The following SLC2A13 variants were observed in gnomAD, a reference collection of about 807,000 sequenced individuals.
SLC2A13 encodes the protein solute carrier family 2 member 13, also known as proton myo-inositol cotransporter.
A neutral mutation model predicts 64.4 loss-of-function variants in SLC2A13; 32 were observed. The observed-to-expected ratio is 0.50, with a 90% CI of 0.37 to 0.67. SLC2A13 has a LOEUF of 0.67. SLC2A13 is among the 30% of genes least tolerant of loss of function. The probability of loss-of-function intolerance (pLI) is 0.00; values close to 1 mark genes in which losing one functional copy is unlikely to be tolerated. For synonymous variants in SLC2A13, 338 were observed against 327.1 expected, an observed-to-expected ratio of 1.03 and a Z score of -0.36; for missense variants, 743 against 829.2, an observed-to-expected ratio of 0.90 and a Z score of 1.28.
intron 6 of SLC2A13, among the ~76,000 whole-genome samples, chr12:39,840,424 T>C (rs1041303209): frequency 1.3e-5 from 2 of 152,046 alleles, no homozygotes; most frequent in Non-Finnish European, 2.9e-5. Context: ...CCATTGCCTA[T>C]AGGATGAAAA....
chr12:39,792,682 A>C (rs1003781568), intron 7 of SLC2A13, among the ~76,000 whole-genome samples: 1 of 152,132 alleles, frequency 6.6e-6, no homozygotes. Flanking sequence ...ACAGATACCA[A>C]AAGTCAGATA....
In SLC2A13 at chr12:40,016,436, A is replaced by T. The variant is rs149078539; in HGVS notation, c.925+11865T>A. Among the ~76,000 whole-genome samples the T allele has an allele frequency of 2.9e-4, 44 of 152,334 alleles. No individual in the cohort carries two copies. In the East Asian group the frequency reaches 8.3e-3, roughly 29 times the overall value. On this transcript the variant is annotated intron_variant, in intron 3 of 9. Coordinates refer to ENST00000280871, the MANE Select transcript of SLC2A13 (RefSeq NM_052885.4). Reference sequence around the variant, plus strand: ...TCAAAGTGGGTGTATATAAATATAAACTAGCTAATGAGAGTAGCAGAAACA... The same window carrying T: ...TCAAAGTGGGTGTATATAAATATAATCTAGCTAATGAGAGTAGCAGAAACA...
chr12:39,884,248 C>T (rs1024946105), intron 4 of SLC2A13, among the ~76,000 whole-genome samples: 6 of 152,122 alleles, frequency 3.9e-5, no homozygotes, highest in Non-Finnish European at 8.8e-5. Context: ...AGATTACAGG[C>T]ATGAGCCACT....
At chr12:39,896,108 A>C (rs1944825949) in intron 4 of SLC2A13, among the ~76,000 whole-genome samples, 1 of 146,032 alleles carries the variant, frequency 6.8e-6, no homozygotes, top group South Asian at 2.1e-4. Context: ...GTGTATACAT[A>C]TATGAATGCA....
At chr12:39,763,473 C>G (rs1418084103) in intron 9 of SLC2A13, among the ~76,000 whole-genome samples, 1 of 152,018 alleles carries the variant, frequency 6.6e-6, no homozygotes, top group African/African-American at 2.4e-5. Context: ...ATCAGGTGAA[C>G]AGGATGCCTT....
intron 7 of SLC2A13, among the ~76,000 whole-genome samples, chr12:39,799,974 T>C (rs1270404881): frequency 6.6e-6 from 1 of 152,210 alleles, no homozygotes; most frequent in African/African-American, 2.4e-5. Context: ...AGCTGATATG[T>C]ACAAATTACA....
chr12:40,020,107 T>C (rs1242856645), intron 3 of SLC2A13, among the ~76,000 whole-genome samples: 1 of 152,048 alleles, frequency 6.6e-6, no homozygotes, highest in Non-Finnish European at 1.5e-5. Context: ...CCAATACAAA[T>C]CCAATTTAAA....
At chr12:39,826,324 T>G (rs1406346020) in intron 7 of SLC2A13, among the ~76,000 whole-genome samples, 1 of 151,996 alleles carries the variant, frequency 6.6e-6, no homozygotes, top group African/African-American at 2.4e-5. Flanking sequence ...AACCTTTCTG[T>G]GACTGTCTCC....
chr12:40,017,764 G>A (rs1947642921), intron 3 of SLC2A13, among the ~76,000 whole-genome samples: 1 of 152,118 alleles, frequency 6.6e-6, no homozygotes, highest in Non-Finnish European at 1.5e-5. Flanking sequence ...GCTGGGCCTT[G>A]AAGAAGCAAT....
intron 6 of SLC2A13, among the ~76,000 whole-genome samples, chr12:39,839,056 C>T (rs1943106988): frequency 2.6e-5 from 4 of 152,050 alleles, no homozygotes; most frequent in Admixed American, 6.6e-5. Flanking sequence ...TGAATTGACA[C>T]CTATTTTGTG....
chr12:39,848,651 G>C (rs762437133), intron 6 of SLC2A13, among the ~76,000 whole-genome samples: 4 of 152,100 alleles, frequency 2.6e-5, no homozygotes, highest in Non-Finnish European at 5.9e-5. Flanking sequence ...ACTACCATTT[G>C]ACCCAGCTCC....
At chr12:39,966,892 C>T (rs1946527537) in intron 3 of SLC2A13, among the ~76,000 whole-genome samples, 1 of 152,136 alleles carries the variant, frequency 6.6e-6, no homozygotes, top group Non-Finnish European at 1.5e-5. Flanking sequence ...AATCTTTGAA[C>T]ATGACACAAA....
intron 7 of SLC2A13, among the ~76,000 whole-genome samples, chr12:39,800,553 C>T (rs1009190014): frequency 9.3e-6 from 1 of 107,780 alleles, no homozygotes; most frequent in Non-Finnish European, 1.9e-5. Context: ...GAGATATCAT[C>T]TCACACCAGT....
At chr12:40,083,063 G>A (rs920824844) in intron 1 of SLC2A13, among the ~76,000 whole-genome samples, 1 of 152,108 alleles carries the variant, frequency 6.6e-6, no homozygotes, top group Non-Finnish European at 1.5e-5. Context: ...CAGCCATCTT[G>A]TTAAATAGCA....
At chr12:40,072,498 A>G (rs1937999754) in intron 1 of SLC2A13, among the ~76,000 whole-genome samples, 1 of 152,118 alleles carries the variant, frequency 6.6e-6, no homozygotes, top group South Asian at 2.1e-4. Context: ...GAAGTCTCCA[A>G]CTATAATAGT....
chr12:39,937,592 A>G (rs1056408040), intron 4 of SLC2A13, among the ~76,000 whole-genome samples: 1 of 152,214 alleles, frequency 6.6e-6, no homozygotes. Flanking sequence ...AGAAAAAGGA[A>G]GGCAAGGAAA....
At chr12:39,984,383 T>A (rs1230169713) in intron 3 of SLC2A13, among the ~76,000 whole-genome samples, 4 of 152,122 alleles carry the variant, frequency 2.6e-5, no homozygotes, top group Non-Finnish European at 4.4e-5. Flanking sequence ...AGTGCAATCT[T>A]CTATAAACAA....
chr12:39,955,299 A>AACAC (rs1321830337), intron 3 of SLC2A13, among the ~76,000 whole-genome samples: 1 of 152,204 alleles, frequency 6.6e-6, no homozygotes, highest in African/African-American at 2.4e-5. Flanking sequence ...AAAGAATCTA[A>AACAC]ACACATAGCC....
intron 7 of SLC2A13, among the ~76,000 whole-genome samples, chr12:39,817,547 C>A (rs772048812): frequency 2.0e-5 from 3 of 152,088 alleles, no homozygotes; most frequent in Non-Finnish European, 4.4e-5. Context: ...TAGAGGCCAG[C>A]TGAGAAAGGC....
Sources: gnomAD v4.1 joint callset for allele counts (sites outside exome capture counted in the v4.1 genomes callset) on GRCh38, gnomAD v4.1.1 for gene constraint, MANE v1.5 for transcripts, NCBI Gene and HGNC (gene_info 2026-07-23, HGNC 2026-07-21) for gene names.